The following RPL3 variants were observed in gnomAD, a reference collection of about 807,000 sequenced individuals.
RPL3 encodes the protein large ribosomal subunit protein uL3.
RPL3 carries 3 observed loss-of-function variants against 46.0 expected under a neutral mutation model. That is an observed-to-expected ratio of 0.07 (90% CI 0.03 to 0.17). The LOEUF (loss-of-function observed/expected upper bound fraction) is 0.17, where lower values mean the gene tolerates loss of function less well. RPL3 is among the 10% of genes least tolerant of loss of function. The pLI, the probability that RPL3 is intolerant of heterozygous loss-of-function variation, is 1.00. For synonymous variants in RPL3, 224 were observed against 190.8 expected (o/e 1.17, Z -1.43); for missense variants, 387 against 532.7 (o/e 0.73, Z 2.69).
At chr22:39,319,447 A>T in intron 1 of RPL3, 148 bp downstream of exon 1, 1 of 1,133,510 alleles carries the variant, frequency 8.8e-7, no homozygotes, top group Non-Finnish European at 1.3e-6. Context: ...ACTTTCCAGA[A>T]AATAGGCCAG....
rs777148034 is a variant in RPL3 at position 39,313,329 on chromosome 22, A to T, written c.1048-19T>A. On this transcript the variant is annotated intron_variant, in intron 8 of 9. Coordinates refer to ENST00000216146, the MANE Select transcript of RPL3 (RefSeq NM_000967.4). ...GCAAGGACTATGGGCCAAGAGGGGA[A>T]GGGATTTAGGATTACGAGGAGCCAG... The T allele has an allele frequency of 2.2e-5, 35 of 1,613,772 alleles. No individual in the cohort carries two copies. Among genetic ancestry groups the T allele is most frequent in the Non-Finnish European group, 2.9e-5 (34 of 1,179,912 alleles).
chr22:39,315,357 C>CTT lies in RPL3; in HGVS notation c.688+11_688+12insAA, dbSNP rs571111144. 1,561 of 1,614,064 alleles carry CTT rather than the reference C, an allele frequency of 9.7e-4. No individual in the cohort carries two copies. Among genetic ancestry groups the CTT allele is most frequent in the Non-Finnish European group, 8.6e-4 (1,016 of 1,180,032 alleles). Reference sequence around the variant, plus strand: ...AGGTTTGCACAGCAACTCAAGCCACCGCAAAGCTCACCTTTGTAGCCTTTG... The same window carrying CTT: ...AGGTTTGCACAGCAACTCAAGCCACCTTGCAAAGCTCACCTTTGTAGCCTTTG... On this transcript the variant is annotated intron_variant, in intron 5 of 9. Coordinates refer to ENST00000216146, the MANE Select transcript of RPL3 (RefSeq NM_000967.4).
In RPL3 at chr22:39,315,131, G is replaced by A. The variant is rs1373635560; in HGVS notation, c.688+238C>T. 70 of 794,364 alleles carry A rather than the reference G, an allele frequency of 8.8e-5. No homozygotes were observed. The Admixed American group carries it at 1.1e-3, about 13-fold the overall frequency. 49.2% of individuals were successfully genotyped at this position (794,364 alleles called of 1,614,324 possible). On this transcript the variant is annotated intron_variant, in intron 5 of 9. Transcript: ENST00000216146. The stretch of plus-strand genomic sequence containing the variant: ...AGCTCCCCTTTGCAGTTATCAGTAG[G>A]CTACAAAGAGCAAAGGGTCCAGGAA...
At chr22:39,315,286 C>G in intron 5 of RPL3, 83 bp downstream of exon 5, 1 of 1,573,784 alleles carries the variant, frequency 6.4e-7, no homozygotes, top group East Asian at 2.2e-5. Context: ...AGCGCTCACT[C>G]TGAGCCTCAT....
At position 39,314,430 on chromosome 22, in the gene RPL3, C is replaced by T. The variant is rs532342261; in HGVS notation, c.850-222G>A. 407 of 625,382 alleles carry T rather than the reference C, an allele frequency of 6.5e-4. 11 individuals are homozygous for T. Among genetic ancestry groups the T allele is most frequent in the South Asian group, 6.4e-3 (328 of 50,994 alleles). The allele number at this position is 625,382 out of a possible 1,614,324, so 38.7% of individuals were successfully genotyped here. A position where few individuals can be genotyped will look rare whatever the true frequency, so the allele number is the denominator to read the frequency against. ...CCTGCTGTACAACACAGGCCTGTCACCCCCCTGGTGGTGGCATCAGGGACC... is the reference window on the plus strand; with the variant it reads ...CCTGCTGTACAACACAGGCCTGTCATCCCCCTGGTGGTGGCATCAGGGACC... On this transcript the variant is annotated intron_variant, in intron 6 of 9. Transcript: ENST00000216146.
In RPL3 at chr22:39,317,633, C is replaced by T; in HGVS notation, c.197-4G>A. 6.4e-7 allele frequency: 1 copy of T among 1,562,114 alleles called. No homozygotes were observed. Among genetic ancestry groups the T allele is most frequent in the Non-Finnish European group, 8.7e-7 (1 of 1,149,324 alleles). Reference sequence around the variant, plus strand: ...ACCACCTCCTTCTTGTTCACCTCTGCAAAAAAAAAGCAGTAGTCAGACTTG... The same window carrying T: ...ACCACCTCCTTCTTGTTCACCTCTGTAAAAAAAAAGCAGTAGTCAGACTTG... On this transcript the variant is annotated splice_region_variant and splice_polypyrimidine_tract_variant and intron_variant, in intron 2 of 9. Transcript: ENST00000216146.
At chr22:39,318,897 C>CT in intron 1 of RPL3, 1 of 463,032 alleles carries the variant, frequency 2.2e-6, no homozygotes, top group Non-Finnish European at 4.3e-6. Flanking sequence ...TAACAGGCAG[C>CT]TTTATATGCC....
chr22:39,315,110 C>T, intron 5 of RPL3: 1 of 753,220 alleles, frequency 1.3e-6, no homozygotes. Flanking sequence ...ATTCCAAGCT[C>T]CCCTTTGCAG....
Position 39,314,725 on chromosome 22 carries a change from C to G in RPL3, c.810G>C (p.Gly270=), listed in dbSNP as rs750883932. 4.3e-6 allele frequency: 7 copies of G among 1,613,572 alleles called. No individual in the cohort carries two copies. The South Asian group carries it at 7.7e-5, about 18-fold the overall frequency. The change falls in exon 6 of 10, where the codon GGG becomes GGC. Residue 270 remains glycine (G), a synonymous_variant. Transcript: ENST00000216146. ...ARVAFSVARA[G]QKGYHHRTEI... ...CAGTGCGGTGATGGTAGCCTTTCTG[C>G]CCAGCGCGTGCCACAGAGAAGGCTA... is the stretch of plus-strand genomic sequence containing the variant.
chr22:39,315,120 G>A (rs1922598431), intron 5 of RPL3: 4 of 777,566 alleles, frequency 5.1e-6, no homozygotes, highest in Non-Finnish European at 9.0e-6. Context: ...CCCCTTTGCA[G>A]TTATCAGTAG....
Position 39,317,690 on chromosome 22 carries a change from C to T in RPL3, c.197-61G>A, listed in dbSNP as rs1021725044. Reference sequence around the variant, plus strand: ...GCCCAAGCAAGGGGTGTAATGTTTTCTAGGAAAATGCAAAGTGCCCATTTA... The same window carrying T: ...GCCCAAGCAAGGGGTGTAATGTTTTTTAGGAAAATGCAAAGTGCCCATTTA... On this transcript the variant is annotated intron_variant, in intron 2 of 9. Transcript: ENST00000216146. The T allele has an allele frequency of 3.1e-5, 49 of 1,585,182 alleles. No individual in the cohort carries two copies. In the African/African-American group the frequency reaches 5.7e-4, roughly 18 times the overall value.
At position 39,314,213 on chromosome 22, in the gene RPL3, A is replaced by G; in HGVS notation, c.850-5T>C. On this transcript the variant is annotated splice_polypyrimidine_tract_variant and splice_region_variant and intron_variant, in intron 6 of 9. Coordinates refer to ENST00000216146, the MANE Select transcript of RPL3 (RefSeq NM_000967.4). ...GCCCTGGCCAATCTTATAAATCTGA[A>G]TGAACAAGAAGGGTGTAAGGCTGGG... The G allele has an allele frequency of 1.9e-6, 3 of 1,612,836 alleles. No homozygotes were observed. Among genetic ancestry groups the G allele is most frequent in the Non-Finnish European group, 2.5e-6 (3 of 1,178,872 alleles).
chr22:39,316,071 C>T (rs1375310036), intron 4 of RPL3, among the ~76,000 whole-genome samples: 1 of 152,172 alleles, frequency 6.6e-6, no homozygotes, highest in Non-Finnish European at 1.5e-5. Flanking sequence ...GAAACCCCGT[C>T]TCTACTAAAA....
intron 3 of RPL3, 168 bp downstream of exon 3, chr22:39,317,293 A>G: frequency 1.3e-6 from 1 of 775,964 alleles, no homozygotes; most frequent in Non-Finnish European, 2.0e-6. Flanking sequence ...GGCTGAAACC[A>G]GATGGCTGGC....
At chr22:39,316,893 C>T in intron 3 of RPL3, 52 bp from the exon 4 acceptor site, 2 of 1,612,894 alleles carry the variant, frequency 1.2e-6, no homozygotes, top group African/African-American at 1.3e-5. Flanking sequence ...GCCTTCATCA[C>T]CCCTCCGAGG....
chr22:39,314,703 T>C lies in RPL3; in HGVS notation c.832A>G (p.Thr278Ala), dbSNP rs550820949. 1.3e-5 allele frequency: 21 copies of C among 1,613,212 alleles called. No homozygotes were observed. Among genetic ancestry groups the C allele is most frequent in the South Asian group, 9.9e-5 (9 of 91,012 alleles). The part of the protein sequence containing the change: ...RAGQKGYHHR[T>A]EINKKIYKIG... ...AACCTCACCTTCTTGTTGATCTCAG[T>C]GCGGTGATGGTAGCCTTTCTGCCCA... The change falls in exon 6 of 10, where the codon ACT (threonine) becomes GCT (alanine). Residue 278 changes from threonine (T) to alanine (A), a missense_variant. Thr to Ala is a moderately conservative substitution (Grantham distance 58). This residue lies in a region of RPL3 where 131 missense variants were observed against 185.1 expected (regional missense o/e 0.71). Transcript: ENST00000216146.
At chr22:39,318,958 G>A (rs946241691) in intron 1 of RPL3, 5 of 528,712 alleles carry the variant, frequency 9.5e-6, no homozygotes, top group African/African-American at 5.8e-5. Context: ...GACAAACGCT[G>A]GGTAGCAGCT....
At chr22:39,318,355 C>T (rs1341165795) in intron 2 of RPL3, 45 bp downstream of exon 2, 2 of 1,588,572 alleles carry the variant, frequency 1.3e-6, no homozygotes, top group East Asian at 2.3e-5. Flanking sequence ...AATTTCCCTC[C>T]CCCTCCACTC....
At chr22:39,313,066 G>A (rs1186928853) in intron 9 of RPL3, 82 bp from the exon 10 acceptor site, 6 of 1,607,546 alleles carry the variant, frequency 3.7e-6, no homozygotes, top group African/African-American at 2.7e-5. Flanking sequence ...CAAGACTCTG[G>A]GCCAGTCTCC....
Sources: gnomAD v4.1 joint callset for allele counts (sites outside exome capture counted in the v4.1 genomes callset) on GRCh38, gnomAD v4.1.1 for gene constraint, gnomAD v4.1.1 regional missense constraint, MANE v1.5 for transcripts, NCBI Gene and HGNC (gene_info 2026-07-23, HGNC 2026-07-21) for gene names.